Variants in WIPF3 observed in about 807,000 individuals in gnomAD.
The protein encoded by WIPF3 is WAS/WASL interacting protein family member 3, also known as WAS/WASL-interacting protein family member 3.
Under a neutral mutation model 38.9 loss-of-function variants are expected in WIPF3, and 33 were observed. The observed-to-expected ratio is 0.85, with a 90% CI of 0.64 to 1.14. The LOEUF is 1.14. Among genes scored for constraint, WIPF3 ranks in the 50% most tolerant of loss-of-function variants. The pLI is 0.00. For synonymous variants in WIPF3, 324 were observed against 269.3 expected, an observed-to-expected ratio of 1.20 and a Z score of -1.99; for missense variants, 711 against 652.5, an observed-to-expected ratio of 1.09 and a Z score of -0.98.
intron 2 of WIPF3, among the ~76,000 whole-genome samples, chr7:29,866,756 C>G (rs1250337403): frequency 6.6e-6 from 1 of 152,250 alleles, no homozygotes; most frequent in Non-Finnish European, 1.5e-5. Flanking sequence ...TCTGATGCCC[C>G]TTTCCTGCCC....
intron 2 of WIPF3, among the ~76,000 whole-genome samples, chr7:29,862,881 T>A (rs1785319898): frequency 6.6e-6 from 1 of 152,132 alleles, no homozygotes; most frequent in South Asian, 2.1e-4. Context: ...CTTTTGTGGT[T>A]ACCTTTGTAA....
chr7:29,808,918 G>A (rs568202273), intron 1 of WIPF3, among the ~76,000 whole-genome samples: 1 of 152,160 alleles, frequency 6.6e-6, no homozygotes, highest in East Asian at 1.9e-4. Context: ...ACAGTAGAGG[G>A]AAACATAGAA....
chr7:29,913,840 C>T (rs1786551901), intron 8 of WIPF3, among the ~76,000 whole-genome samples: 4 of 152,358 alleles, frequency 2.6e-5, no homozygotes, highest in East Asian at 1.9e-4. Context: ...GTGTCACACA[C>T]TGTGCAGGAT....
chr7:29,888,328 T>C lies in WIPF3; in HGVS notation c.1249+111T>C, dbSNP rs1160493923. The stretch of plus-strand genomic sequence containing the variant: ...GTGCTGCCATCTCAGGGTGCATGCT[T>C]CTTTCATGAACAGGGGCTCACTCCA... On this transcript the variant is annotated intron_variant, in intron 6 of 8. Transcript: ENST00000242140. 5.1e-6 allele frequency: 7 copies of C among 1,381,250 alleles called. No homozygotes were observed. In the African/African-American group the frequency reaches 5.8e-5, roughly 11 times the overall value. 85.6% of individuals were successfully genotyped at this position (1,381,250 alleles called of 1,614,324 possible). A position where few individuals can be genotyped will look rare whatever the true frequency, so the allele number is the denominator to read the frequency against.
intron 8 of WIPF3, chr7:29,905,219 A>G (rs934822791): frequency 6.6e-6 from 1 of 152,206 alleles, no homozygotes; most frequent in African/African-American, 2.4e-5. Context: ...TTCTAACCAC[A>G]GCTGATGCAA....
At chr7:29,891,158 G>C (rs1786011219) in intron 7 of WIPF3, among the ~76,000 whole-genome samples, 1 of 81,170 alleles carries the variant, frequency 1.2e-5, no homozygotes, top group African/African-American at 3.8e-5. Context: ...CCTGCCCTGT[G>C]CTCAGGTGGA....
chr7:29,874,919 C>T (rs1469341760), intron 2 of WIPF3, among the ~76,000 whole-genome samples: 13 of 152,200 alleles, frequency 8.5e-5, no homozygotes, highest in African/African-American at 2.9e-4. Context: ...TGGTAGTCAT[C>T]GTTGCAAAGT....
At chr7:29,811,208 C>T (rs541282466) in intron 1 of WIPF3, among the ~76,000 whole-genome samples, 2 of 152,036 alleles carry the variant, frequency 1.3e-5, no homozygotes, top group East Asian at 1.9e-4. Flanking sequence ...AGATTTGGTA[C>T]TTAGGACAGT....
At chr7:29,888,735 A>G (rs1200755021) in intron 6 of WIPF3, among the ~76,000 whole-genome samples, 1 of 152,144 alleles carries the variant, frequency 6.6e-6, no homozygotes, top group African/African-American at 2.4e-5. Context: ...AGAGGCCCAG[A>G]TCACAAAGCA....
intron 2 of WIPF3, among the ~76,000 whole-genome samples, chr7:29,851,622 G>A (rs891968786): frequency 6.6e-6 from 1 of 152,234 alleles, no homozygotes; most frequent in African/African-American, 2.4e-5. Context: ...CAGTGGACCT[G>A]GAAGGCTCGG....
rs187971753 is a variant in WIPF3, at chr7:29,807,004, C to T, written c.-58+326C>T. Among the ~76,000 whole-genome samples, 426 of 152,018 alleles carry T rather than the reference C, an allele frequency of 2.8e-3. 1 individual carries two copies. Among genetic ancestry groups the T allele is most frequent in the Non-Finnish European group, 4.8e-3 (324 of 67,914 alleles). On this transcript the variant is annotated intron_variant, in intron 1 of 8. Transcript: ENST00000242140. ...GGTGACTTCTCCGGACTGGACTCCC[C>T]GGTGAGCAGCCCCTGGCACCGAGGC...
chr7:29,846,154 T>C (rs1784996620), intron 2 of WIPF3, among the ~76,000 whole-genome samples: 1 of 152,244 alleles, frequency 6.6e-6, no homozygotes, highest in Admixed American at 6.5e-5. Context: ...TGGGTATTAT[T>C]TTAAAAGCCA....
intron 1 of WIPF3, among the ~76,000 whole-genome samples, chr7:29,807,785 G>T (rs1784306789): frequency 6.6e-6 from 1 of 152,212 alleles, no homozygotes; most frequent in Non-Finnish European, 1.5e-5. Flanking sequence ...CTCTGTGCCT[G>T]GGGTCCTTGG....
intron 1 of WIPF3, among the ~76,000 whole-genome samples, chr7:29,808,544 A>C (rs1784323072): frequency 6.6e-6 from 1 of 152,246 alleles, no homozygotes; most frequent in African/African-American, 2.4e-5. Context: ...GAATCGGGGC[A>C]GAGCGGTCAG....
chr7:29,884,768 C>A (rs75418804), intron 5 of WIPF3, among the ~76,000 whole-genome samples, 175 bp downstream of exon 5: 1 of 152,208 alleles, frequency 6.6e-6, no homozygotes, highest in Non-Finnish European at 1.5e-5. Context: ...GCCTTGATCC[C>A]CTGCCCTTAC....
chr7:29,862,664 A>G (rs889857577), intron 2 of WIPF3, among the ~76,000 whole-genome samples: 1 of 152,150 alleles, frequency 6.6e-6, no homozygotes, highest in Non-Finnish European at 1.5e-5. Context: ...TAAGAGAGAT[A>G]ATAAGCTTAT....
chr7:29,811,772 G>A (rs557255460), intron 1 of WIPF3, among the ~76,000 whole-genome samples: 14 of 152,284 alleles, frequency 9.2e-5, no homozygotes, highest in South Asian at 4.1e-4. Context: ...CTGCAGTTCC[G>A]GAGACATAAT....
Position 29,878,409 on chromosome 7 carries a change from C to A in WIPF3, c.224-600C>A, listed in dbSNP as rs1380314478. Among the ~76,000 whole-genome samples the A allele has an allele frequency of 6.6e-6, 1 of 152,148 alleles. No homozygotes were observed. Among genetic ancestry groups the A allele is most frequent in the East Asian group, 1.9e-4 (1 of 5,186 alleles). On this transcript the variant is annotated intron_variant, in intron 3 of 8. Transcript: ENST00000242140. The surrounding 1 kb of genome is among the most constrained non-coding windows in gnomAD (Gnocchi z 4.0). ...GTCTGGAAGGCTGGAGTTAGTGACA[C>A]CTTTCCTCAGGGGCTCATGATCTTT...
rs9655296 is a variant in WIPF3 at position 29,852,917 on chromosome 7, T to C, written c.90+18103T>C. 6.2e-3 allele frequency among the ~76,000 whole-genome samples: 948 copies of C among 152,326 alleles called. 12 individuals are homozygous for C. Among genetic ancestry groups the C allele is most frequent in the African/African-American group, 0.022 (910 of 41,554 alleles). On this transcript the variant is annotated intron_variant, in intron 2 of 8. Coordinates refer to ENST00000242140, the MANE Select transcript of WIPF3 (RefSeq NM_001080529.3). ...ATAGTAATCCTCTAACATTTTGCTG[T>C]CAGCAGTGTGACAAATTAAAAAACA...
Sources: allele counts gnomAD v4.1 joint callset (sites outside exome capture counted in the v4.1 genomes callset), GRCh38; gene constraint gnomAD v4.1.1; non-coding constraint Gnocchi (gnomAD v3.1); transcripts MANE v1.5; gene names NCBI Gene and HGNC (gene_info 2026-07-23, HGNC 2026-07-21).